USP11: variants seen among roughly 807,000 people sequenced by gnomAD.
USP11 encodes the protein ubiquitin carboxyl-terminal hydrolase 11.
In USP11, 5 loss-of-function variants were observed where a neutral mutation model predicts 72.8. The observed-to-expected ratio is 0.07, with a 90% CI of 0.04 to 0.14. The LOEUF is 0.14. Among genes scored for constraint, USP11 ranks in the 10% least tolerant of loss-of-function variants. The pLI, the probability that USP11 is intolerant of heterozygous loss-of-function variation, is 1.00. For missense variants in USP11, 480 were observed against 794.7 expected, an observed-to-expected ratio of 0.60 and a Z score of 4.76; for synonymous variants, 368 against 326.5, an observed-to-expected ratio of 1.13 and a Z score of -1.37.
At chrX:47,244,350 C>T (rs766909345) in intron 13 of USP11, 148 bp from the exon 14 acceptor site, 12 of 584,663 alleles carry the variant, frequency 2.1e-5, no homozygotes, top group East Asian at 1.1e-4. Context: ...TGCATTTACG[C>T]GTCACCCCTT....
chrX:47,245,546 T>A, intron 17 of USP11, 64 bp downstream of exon 17: 1 of 318,517 alleles, frequency 3.1e-6, no homozygotes, highest in Non-Finnish European at 4.6e-6. Context: ...ATATTTAGCT[T>A]TTTTTTTTTT....
intron 1 of USP11, among the ~76,000 whole-genome samples, chrX:47,236,076 G>T (rs1315885680): frequency 2.7e-5 from 3 of 111,652 alleles, no homozygotes; most frequent in African/African-American, 9.8e-5. Flanking sequence ...CTAGGGAGAG[G>T]TTGTGGTTGT....
chrX:47,245,161 CCT>C lies in USP11; in HGVS notation c.2157+78_2157+79del. Reference sequence around the variant, plus strand: ...CTCTTCGTACATCCTCCCCACAACTCCTCTAGCTGGGAACAGAGCCAAGAGAT... The same window carrying C: ...CTCTTCGTACATCCTCCCCACAACTCCTAGCTGGGAACAGAGCCAAGAGAT... On this transcript the variant is annotated intron_variant, in intron 16 of 20. Transcript: ENST00000377107. The C allele has an allele frequency of 7.1e-6, 8 of 1,132,186 alleles. No individual in the cohort carries two copies. The African/African-American group carries it at 8.9e-5, about 13-fold the overall frequency. The allele number at this position is 1,132,186 out of a possible 1,213,427, so 93.3% of individuals were successfully genotyped here.
At position 47,233,292 on chromosome X, in the gene USP11, G is replaced by A; in HGVS notation, c.176+73G>A. On this transcript the variant is annotated intron_variant, in intron 1 of 20. Coordinates refer to ENST00000377107, the MANE Select transcript of USP11 (RefSeq NM_001371072.1). ...ATTGACAACCGCTGGGGATTCGGCG[G>A]CCGAGGGCCGCGGGAAAGCTGCTGC... 7 of 1,049,223 alleles carry A rather than the reference G, an allele frequency of 6.7e-6. No individual in the cohort carries two copies. The South Asian group carries it at 1.5e-4, about 22-fold the overall frequency. The allele number at this position is 1,049,223 out of a possible 1,213,427, so 86.5% of individuals were successfully genotyped here.
Position 47,239,141 on chromosome X carries a change from C to A in USP11, c.248C>A (p.Thr83Asn). The A allele has an allele frequency of 8.3e-7, 1 of 1,209,633 alleles. No individual in the cohort carries two copies. The highest frequency in any genetic ancestry group is 1.8e-5 in the South Asian group (1 of 56,458). ...YVQGGDQDSS[T>N]FPGCINNATL... Reference sequence around the variant, plus strand: ...CAGGGAGGGGACCAGGACTCCAGCACCTTCCCTGGCTGCATCAACAATGCC... The same window carrying A: ...CAGGGAGGGGACCAGGACTCCAGCAACTTCCCTGGCTGCATCAACAATGCC... The change falls in exon 2 of 21, where the codon ACC becomes AAC. Residue 83 changes from threonine to asparagine, a missense_variant. This residue lies in a region of USP11 where 71 missense variants were observed against 71.4 expected (regional missense o/e 0.99). Transcript: ENST00000377107.
rs768874117 is a variant in USP11 at position 47,247,294 on chromosome X, C to T, written c.2421-10C>T. On this transcript the variant is annotated splice_polypyrimidine_tract_variant and intron_variant, in intron 18 of 20. Coordinates refer to ENST00000377107, the MANE Select transcript of USP11 (RefSeq NM_001371072.1). ...GGGTGTACCAGTATTAACCCTCTCCCCACCCACAGGGACCTGGACTTCTCT... is the reference window on the plus strand; with the variant it reads ...GGGTGTACCAGTATTAACCCTCTCCTCACCCACAGGGACCTGGACTTCTCT... 4.1e-6 allele frequency: 5 copies of T among 1,209,131 alleles called. No homozygotes were observed. The Admixed American group carries it at 6.6e-5, about 16-fold the overall frequency.
intron 10 of USP11, 57 bp downstream of exon 10, chrX:47,242,363 T>A: frequency 2.5e-6 from 3 of 1,204,539 alleles, no homozygotes; most frequent in Non-Finnish European, 3.4e-6. Context: ...TTTGATTAGC[T>A]GCCATAGCTC....
chrX:47,241,476 G>A lies in USP11; in HGVS notation c.1020+26G>A, dbSNP rs145580596. On this transcript the variant is annotated intron_variant, in intron 8 of 20. Coordinates refer to ENST00000377107, the MANE Select transcript of USP11 (RefSeq NM_001371072.1). ...GTGTGACTCAACCCTGGGCACCCCC[G>A]ACCCCCTACGTCTCTTGGCTCTCCT... The A allele has an allele frequency of 4.1e-4, 488 of 1,189,466 alleles. No homozygotes were observed. The East Asian group carries it at 0.013, about 31-fold the overall frequency.
intron 17 of USP11, 149 bp from the exon 18 acceptor site, chrX:47,246,923 A>C (rs1298211015): frequency 2.9e-6 from 2 of 692,563 alleles, no homozygotes; most frequent in African/African-American, 4.5e-5. Context: ...CGGGAGGCTG[A>C]GGCAGGAGAA....
chrX:47,243,935 A>G (rs138717808), intron 13 of USP11, among the ~76,000 whole-genome samples: 201 of 110,944 alleles, frequency 1.8e-3, no homozygotes, highest in African/African-American at 5.5e-3. Flanking sequence ...CCTAAAATCT[A>G]GAGTCTTTAC....
Position 47,233,096 on chromosome X carries a change from C to A in USP11, c.53C>A (p.Ala18Glu). Residue 18 changes from alanine to glutamate, a missense_variant, in exon 1 of 21, where the codon GCA becomes GAA. Ala to Glu is a moderately radical substitution (Grantham distance 107). Transcript: ENST00000377107. ...PAAAAAAVAA[A>E]AAVTEDREPQ... ...GCTGCTGCGGCGGCTGTGGCGGCGG[C>A]AGCGGCGGTGACTGAGGATAGAGAG... The A allele has an allele frequency of 8.3e-7, 1 of 1,197,890 alleles. No homozygotes were observed. The highest frequency in any genetic ancestry group is 1.1e-6 in the Non-Finnish European group (1 of 888,105).
Position 47,247,292 on chromosome X carries a change from C to A in USP11, c.2421-12C>A. 1 of 1,211,327 alleles carries A rather than the reference C, an allele frequency of 8.3e-7. No homozygotes were observed. Among genetic ancestry groups the A allele is most frequent in the Non-Finnish European group, 1.1e-6 (1 of 895,011 alleles). The stretch of plus-strand genomic sequence containing the variant: ...GGGGGTGTACCAGTATTAACCCTCT[C>A]CCCACCCACAGGGACCTGGACTTCT... On this transcript the variant is annotated splice_polypyrimidine_tract_variant and intron_variant, in intron 18 of 20. Coordinates refer to ENST00000377107, the MANE Select transcript of USP11 (RefSeq NM_001371072.1).
intron 7 of USP11, 192 bp downstream of exon 7, chrX:47,241,068 AT>A: frequency 1.8e-6 from 1 of 562,911 alleles, no homozygotes; most frequent in Non-Finnish European, 2.8e-6. Flanking sequence ...GCTTGCCCTC[AT>A]TTTCCCTCTT....
chrX:47,248,166 C>T lies in USP11; in HGVS notation c.*236C>T. ...GTTTGCCCTTCCAGCAGTGACCCTC[C>T]CTTCTAGTCTTTATTTATGGTCGTG... On this transcript the variant is annotated 3_prime_UTR_variant, in exon 21 of 21. Transcript: ENST00000377107. 2.4e-6 allele frequency: 1 copy of T among 420,731 alleles called. No individual in the cohort carries two copies. Among genetic ancestry groups the T allele is most frequent in the Non-Finnish European group, 3.9e-6 (1 of 253,709 alleles). The allele number at this position is 420,731 out of a possible 1,213,427, so 34.7% of individuals were successfully genotyped here. A position where few individuals can be genotyped will look rare whatever the true frequency, so the allele number is the denominator to read the frequency against.
intron 1 of USP11, among the ~76,000 whole-genome samples, chrX:47,235,060 C>T (rs1301089975): frequency 9.0e-6 from 1 of 111,527 alleles, no homozygotes; most frequent in Non-Finnish European, 1.9e-5. Context: ...GTGAATTCAC[C>T]ATCCATGTTA....
Position 47,244,883 on chromosome X carries a change from A to G in USP11, c.2045A>G (p.Asn682Ser). The G allele has an allele frequency of 8.3e-7, 1 of 1,211,760 alleles. No individual in the cohort carries two copies. Among genetic ancestry groups the G allele is most frequent in the Non-Finnish European group, 1.1e-6 (1 of 895,484 alleles). ...QLFTLQTVNS[N>S]GTSDRTTSPE... ...TTCACCCTGCAGACGGTGAACTCCAATGGGACCAGCGACCGCACAACCTCC... is the reference window on the plus strand; with the variant it reads ...TTCACCCTGCAGACGGTGAACTCCAGTGGGACCAGCGACCGCACAACCTCC... The change falls in exon 15 of 21, where the codon AAT becomes AGT. Residue 682 changes from asparagine to serine, a missense_variant. By Grantham distance (46) the Asn-to-Ser change is conservative (BLOSUM62 1). Transcript: ENST00000377107.
At chrX:47,241,490 CTT>C in intron 8 of USP11, 40 bp downstream of exon 8, 1 of 1,189,634 alleles carries the variant, frequency 8.4e-7, no homozygotes, top group Non-Finnish European at 1.1e-6. Context: ...CCCTACGTCT[CTT>C]GGCTCTCCTA....
chrX:47,247,034 A>C, intron 17 of USP11, 38 bp from the exon 18 acceptor site: 1 of 1,164,113 alleles, frequency 8.6e-7, no homozygotes. Context: ...AAAAAAAAAA[A>C]GAAAAAGTCC....
chrX:47,242,323 G>C lies in USP11; in HGVS notation c.1404+17G>C, dbSNP rs189398005. The C allele has an allele frequency of 8.3e-7, 1 of 1,207,101 alleles. No individual in the cohort carries two copies. The highest frequency in any genetic ancestry group is 2.2e-5 in the Admixed American group (1 of 45,752). On this transcript the variant is annotated intron_variant, in intron 10 of 20. Coordinates refer to ENST00000377107, the MANE Select transcript of USP11 (RefSeq NM_001371072.1). ...CCAGAGCAGGTGTGGGGCAGTGGGG[G>C]CCTGGGGAGATGATGATGGACACAT...
Sources: gnomAD v4.1 joint callset for allele counts (sites outside exome capture counted in the v4.1 genomes callset) on GRCh38, gnomAD v4.1.1 for gene constraint, gnomAD v4.1.1 regional missense constraint, MANE v1.5 for transcripts, NCBI Gene and HGNC (gene_info 2026-07-23, HGNC 2026-07-21) for gene names.